DNAH14: variants seen among roughly 807,000 people sequenced by gnomAD.
DNAH14 encodes dynein axonemal heavy chain 14, also known as axonemal beta dynein heavy chain 14.
Under a neutral mutation model 520.9 loss-of-function variants are expected in DNAH14, and 478 were observed. That is an observed-to-expected ratio of 0.92 (90% CI 0.85 to 0.99). The LOEUF is 0.99. Among genes scored for constraint, DNAH14 ranks in the 50% least tolerant of loss-of-function variants. The pLI is 0.00. For missense variants in DNAH14, 4,831 were observed against 5,234.5 expected (o/e 0.92, Z 2.38); for synonymous variants, 1,581 against 1,757.2 (o/e 0.90, Z 2.51).
At chr1:225,237,756 G>T (rs1272292484) in intron 42 of DNAH14, among the ~76,000 whole-genome samples, 1 of 152,106 alleles carries the variant, frequency 6.6e-6, no homozygotes, top group Non-Finnish European at 1.5e-5. Context: ...ATCAGTCATA[G>T]GTTCGGTATC....
At chr1:224,953,421 C>T (rs1439284198) in intron 2 of DNAH14, among the ~76,000 whole-genome samples, 1 of 152,020 alleles carries the variant, frequency 6.6e-6, no homozygotes, top group Non-Finnish European at 1.5e-5. Flanking sequence ...TAATTATGAC[C>T]TTTATGAGAA....
intron 41 of DNAH14, among the ~76,000 whole-genome samples, chr1:225,220,287 A>T (rs779727313): frequency 6.6e-6 from 1 of 152,230 alleles, no homozygotes; most frequent in South Asian, 2.1e-4. Flanking sequence ...TAATCAACAT[A>T]GTATTGGAAG....
chr1:225,259,015 T>C (rs945723779), intron 45 of DNAH14, 106 bp from the exon 46 acceptor site: 1 of 1,231,744 alleles, frequency 8.1e-7, no homozygotes. Flanking sequence ...AAAAACACTT[T>C]TTATGCAATT....
At chr1:224,967,666 T>C in intron 6 of DNAH14, 83 bp downstream of exon 6, 1 of 1,598,378 alleles carries the variant, frequency 6.3e-7, no homozygotes, top group East Asian at 2.3e-5. Context: ...CATACATTTA[T>C]CTTTGTGTTT....
At chr1:225,048,530 ATGT>A (rs1441476609) in intron 15 of DNAH14, among the ~76,000 whole-genome samples, 1 of 152,062 alleles carries the variant, frequency 6.6e-6, no homozygotes, top group African/African-American at 2.4e-5. Context: ...ATAATTATCC[ATGT>A]TGTTACATGA....
At chr1:225,168,081 TAATAA>T (rs2082208897) in intron 36 of DNAH14, 53 bp downstream of exon 36, 1 of 1,069,910 alleles carries the variant, frequency 9.3e-7, no homozygotes, top group Non-Finnish European at 1.4e-6. Flanking sequence ...CAATAGGAAT[TAATAA>T]AATAAAGGGC....
chr1:225,177,333 G>A (rs1375165776), intron 36 of DNAH14, among the ~76,000 whole-genome samples: 3 of 152,168 alleles, frequency 2.0e-5, no homozygotes, highest in Non-Finnish European at 4.4e-5. Flanking sequence ...TTTTATAAGG[G>A]AAGCAGAGCA....
intron 42 of DNAH14, among the ~76,000 whole-genome samples, chr1:225,234,673 A>G (rs1452380968): frequency 1.3e-5 from 2 of 152,232 alleles, no homozygotes; most frequent in Non-Finnish European, 2.9e-5. Flanking sequence ...CTTCTTATCC[A>G]TGAGCATAGA....
At chr1:225,363,434 T>A (rs2150569054) in intron 75 of DNAH14, among the ~76,000 whole-genome samples, 1 of 152,328 alleles carries the variant, frequency 6.6e-6, no homozygotes, top group South Asian at 2.1e-4. Flanking sequence ...GAGGTCTCGC[T>A]ATGTTGCCCT....
In DNAH14 at chr1:225,324,877, A is replaced by T. The variant is rs773952345; in HGVS notation, c.9723+45A>T. The T allele has an allele frequency of 2.3e-5, 32 of 1,419,182 alleles. 1 individual carries two copies. The South Asian group carries it at 3.8e-4, about 17-fold the overall frequency. The allele number at this position is 1,419,182 out of a possible 1,614,324, so 87.9% of individuals were successfully genotyped here. On this transcript the variant is annotated intron_variant, in intron 64 of 85. Coordinates refer to ENST00000682510, the MANE Select transcript of DNAH14 (RefSeq NM_001367479.1). ...TCTCAAAATAAGACAAAACACCAGG[A>T]CAATGTAATTATCTCAGGAGAGCTT...
In DNAH14 at chr1:224,944,450, G is replaced by T. The variant is rs538196010; in HGVS notation, c.-33-8220G>T. On this transcript the variant is annotated intron_variant, in intron 1 of 85. Transcript: ENST00000682510. The stretch of plus-strand genomic sequence containing the variant: ...TGGGTCTTGACTCTTTATCCAGCTT[G>T]CCAGTCTGTGTCTTTTAATTGGAGC... 2.0e-5 allele frequency among the ~76,000 whole-genome samples: 3 copies of T among 152,200 alleles called. No individual in the cohort carries two copies. In the East Asian group the frequency reaches 5.8e-4, roughly 29 times the overall value.
chr1:225,382,147 G>A (rs1340996419), intron 81 of DNAH14, among the ~76,000 whole-genome samples: 3 of 152,112 alleles, frequency 2.0e-5, no homozygotes, highest in Non-Finnish European at 4.4e-5. Flanking sequence ...GTGTAGACAT[G>A]TGAAAAGATG....
chr1:225,311,462 C>T (rs2094363692), intron 60 of DNAH14, among the ~76,000 whole-genome samples: 2 of 152,128 alleles, frequency 1.3e-5, no homozygotes, highest in Non-Finnish European at 2.9e-5. Flanking sequence ...AATTAGATCC[C>T]ATTTGTCAAT....
At chr1:225,359,009 A>C (rs1295992117) in intron 74 of DNAH14, among the ~76,000 whole-genome samples, 2 of 152,204 alleles carry the variant, frequency 1.3e-5, no homozygotes. Context: ...TTACTTTTTA[A>C]ATTACTCAGT....
Position 225,192,717 on chromosome 1 carries a change from G to T in DNAH14, c.5692G>T (p.Val1898Leu). ...CCAGATTTCAGAAAGAAAAGGAAAA[G>T]TAGATATTTGTGTTTTAAATCCAAA... ...ASKISERKGK[V>L]DICVLNPKCV... is the part of the protein sequence containing the mutation. The change falls in exon 38 of 86, where the codon GTA becomes TTA. Residue 1898 changes from valine to leucine, a missense_variant. Transcript: ENST00000682510. 6.5e-7 allele frequency: 1 copy of T among 1,548,458 alleles called. No homozygotes were observed. Among genetic ancestry groups the T allele is most frequent in the Non-Finnish European group, 8.7e-7 (1 of 1,144,962 alleles).
At chr1:225,171,848 A>G (rs1186217023) in intron 36 of DNAH14, among the ~76,000 whole-genome samples, 3 of 151,898 alleles carry the variant, frequency 2.0e-5, no homozygotes, top group East Asian at 1.9e-4. Flanking sequence ...CCTGATGAAC[A>G]TCGATGCAAA....
intron 8 of DNAH14, among the ~76,000 whole-genome samples, chr1:224,976,930 C>T (rs1411630419): frequency 1.1e-4 from 16 of 151,324 alleles, no homozygotes; most frequent in African/African-American, 2.2e-4. Context: ...GTCAGTGTGG[C>T]GATTCCTCAG....
chr1:225,384,272 G>C (rs1455959606), intron 81 of DNAH14, among the ~76,000 whole-genome samples: 2 of 152,162 alleles, frequency 1.3e-5, no homozygotes, highest in Non-Finnish European at 2.9e-5. Context: ...GCAGAGCTGA[G>C]TTCAAGTCCT....
At chr1:224,983,188 C>T (rs1024827733) in intron 8 of DNAH14, among the ~76,000 whole-genome samples, 2 of 148,484 alleles carry the variant, frequency 1.3e-5, no homozygotes, top group Non-Finnish European at 3.0e-5. Context: ...TAGACAAGGC[C>T]TTTTACCATT....
Sources: allele counts gnomAD v4.1 joint callset (sites outside exome capture counted in the v4.1 genomes callset), GRCh38; gene constraint gnomAD v4.1.1; transcripts MANE v1.5; gene names NCBI Gene and HGNC (gene_info 2026-07-23, HGNC 2026-07-21).